The following LINGO2 variants were observed in gnomAD, a reference collection of about 807,000 sequenced individuals.
The protein encoded by LINGO2 is leucine-rich repeat and immunoglobulin-like domain-containing nogo receptor-interacting protein 2.
LINGO2 carries 14 observed loss-of-function variants against 30.6 expected under a neutral mutation model. The observed-to-expected ratio is 0.46, with a 90% CI of 0.30 to 0.72. LINGO2 has a LOEUF of 0.72. Among genes scored for constraint, LINGO2 ranks in the 30% least tolerant of loss-of-function variants. LINGO2 has a pLI of 0.07. For synonymous variants in LINGO2, 317 were observed against 288.5 expected, an observed-to-expected ratio of 1.10 and a Z score of -1.00; for missense variants, 729 against 751.7, an observed-to-expected ratio of 0.97 and a Z score of 0.35.
At chr9:28,541,630 T>C (rs918773230) in intron 1 of LINGO2, among the ~76,000 whole-genome samples, 31 of 151,762 alleles carry the variant, frequency 2.0e-4, no homozygotes, top group African/African-American at 7.3e-4. Context: ...AGTAATAGAG[T>C]TGGTGAAGAA....
the LINGO2 span, among the ~76,000 whole-genome samples, chr9:28,970,766 T>C: frequency 6.6e-6 from 1 of 152,150 alleles, no homozygotes; most frequent in Non-Finnish European, 1.5e-5. Flanking sequence ...TAGGCTAAAG[T>C]GCTATGGATC....
the LINGO2 span, among the ~76,000 whole-genome samples, chr9:29,009,563 C>T: frequency 2.0e-5 from 3 of 152,192 alleles, no homozygotes; most frequent in Non-Finnish European, 2.9e-5. Flanking sequence ...ATTCCATGCT[C>T]ATGGGTAGGA....
At chr9:28,168,875 T>C (rs966132825) in intron 4 of LINGO2, among the ~76,000 whole-genome samples, 2 of 152,260 alleles carry the variant, frequency 1.3e-5, no homozygotes, top group African/African-American at 4.8e-5. Context: ...AATTACTATG[T>C]GTGGCTTTGC....
At chr9:28,356,640 A>T (rs1186893539) in intron 3 of LINGO2, among the ~76,000 whole-genome samples, 1 of 152,192 alleles carries the variant, frequency 6.6e-6, no homozygotes, top group Non-Finnish European at 1.5e-5. Context: ...TTGAGAAATC[A>T]CTTAATCAAA....
intron 1 of LINGO2, among the ~76,000 whole-genome samples, chr9:28,653,186 C>G (rs1042243823): frequency 1.3e-5 from 2 of 152,140 alleles, no homozygotes; most frequent in Non-Finnish European, 2.9e-5. Context: ...TGATTTCTCA[C>G]AAATGCTGTA....
At chr9:28,964,308 G>A in the LINGO2 span, among the ~76,000 whole-genome samples, 1 of 151,894 alleles carries the variant, frequency 6.6e-6, no homozygotes, top group Non-Finnish European at 1.5e-5. Context: ...ACCTGTGGAT[G>A]ATAGAGGAAA....
At chr9:28,006,492 G>A (rs921858787) in intron 5 of LINGO2, among the ~76,000 whole-genome samples, 5 of 152,040 alleles carry the variant, frequency 3.3e-5, no homozygotes, top group Non-Finnish European at 7.4e-5. Flanking sequence ...AAAATGCCTT[G>A]CATTAGACAA....
chr9:28,449,815 G>A (rs953416502), intron 2 of LINGO2, among the ~76,000 whole-genome samples: 1 of 152,022 alleles, frequency 6.6e-6, no homozygotes, highest in Non-Finnish European at 1.5e-5. Context: ...TGACTGTACA[G>A]AAGTAAACTT....
chr9:29,009,162 T>G, the LINGO2 span, among the ~76,000 whole-genome samples: 1 of 152,112 alleles, frequency 6.6e-6, no homozygotes, highest in Non-Finnish European at 1.5e-5. Context: ...CTATTCAACA[T>G]AGTATTGGAA....
rs1435509839 is a variant in LINGO2, at chr9:28,149,373, G to A, written c.-86-136968C>T. On this transcript the variant is annotated intron_variant, in intron 4 of 5. Transcript: ENST00000379992. ...CTCCACCGTCTGGGAAGTGAGGAGC[G>A]CCTCTGCCAGGCTGCTCCACCGTCT... is the stretch of plus-strand genomic sequence containing the variant. 98 of 411,766 alleles carry A rather than the reference G, an allele frequency of 2.4e-4. 2 individuals are homozygous for A. Among genetic ancestry groups the A allele is most frequent in the South Asian group, 1.4e-3 (49 of 35,238 alleles). 25.5% of individuals were successfully genotyped at this position (411,766 alleles called of 1,614,324 possible).
exon 6 of LINGO2, chr9:27,949,123 A>C (rs1401616940): frequency 1.2e-6 from 2 of 1,614,032 alleles, no homozygotes; most frequent in African/African-American, 2.7e-5. Flanking sequence ...TCGGTCATGT[A>C]CATAGGGGTC....
chr9:28,483,336 A>G (rs1826048612), intron 1 of LINGO2, among the ~76,000 whole-genome samples: 1 of 152,086 alleles, frequency 6.6e-6, no homozygotes, highest in Non-Finnish European at 1.5e-5. Context: ...AAACTAAATG[A>G]GTTCCAGTAT....
chr9:28,629,078 C>A (rs1826815267), intron 1 of LINGO2, among the ~76,000 whole-genome samples: 1 of 152,102 alleles, frequency 6.6e-6, no homozygotes, highest in East Asian at 1.9e-4. Context: ...CTTACTTCCA[C>A]AAGAACCATC....
At chr9:28,585,305 A>AAAAT (rs1018961790) in intron 1 of LINGO2, among the ~76,000 whole-genome samples, 8 of 151,950 alleles carry the variant, frequency 5.3e-5, no homozygotes, top group African/African-American at 1.9e-4. Flanking sequence ...GAAACATTTT[A>AAAAT]GTGTTGTTTC....
intron 4 of LINGO2, among the ~76,000 whole-genome samples, chr9:28,076,044 T>C (rs968875154): frequency 1.1e-4 from 16 of 152,060 alleles, no homozygotes; most frequent in Admixed American, 9.8e-4. Context: ...ATAATTGCAA[T>C]ATTATGCCTG....
At chr9:28,967,487 A>G in the LINGO2 span, among the ~76,000 whole-genome samples, 1 of 152,144 alleles carries the variant, frequency 6.6e-6, no homozygotes. Flanking sequence ...ATAAAACCAA[A>G]TATGACCTGG....
the LINGO2 span, among the ~76,000 whole-genome samples, chr9:29,064,232 A>T: frequency 2.0e-5 from 3 of 152,126 alleles, no homozygotes; most frequent in African/African-American, 7.2e-5. Context: ...AAAAATGATT[A>T]CAAAATCCTG....
At chr9:29,010,783 G>A in the LINGO2 span, among the ~76,000 whole-genome samples, 1 of 152,090 alleles carries the variant, frequency 6.6e-6, no homozygotes, top group Non-Finnish European at 1.5e-5. Context: ...GCCTCAGGAG[G>A]CTGAGGCAGA....
At chr9:28,209,704 A>G (rs894370647) in intron 4 of LINGO2, among the ~76,000 whole-genome samples, 4 of 151,806 alleles carry the variant, frequency 2.6e-5, no homozygotes, top group Non-Finnish European at 4.4e-5. Flanking sequence ...TCTATGTTGA[A>G]AGAGTACATC....
Sources: gnomAD v4.1 joint callset for allele counts (sites outside exome capture counted in the v4.1 genomes callset) on GRCh38, gnomAD v4.1.1 for gene constraint, MANE v1.5 for transcripts, NCBI Gene and HGNC (gene_info 2026-07-23, HGNC 2026-07-21) for gene names.